Variants in SPACA9 observed in about 807,000 individuals in gnomAD.
The protein encoded by SPACA9 is sperm acrosome-associated protein 9.
A neutral mutation model predicts 12.5 loss-of-function variants in SPACA9; 14 were observed. The observed-to-expected ratio is 1.12, with a 90% CI of 0.74 to 1.75. SPACA9 has a LOEUF of 1.75. Among genes scored for constraint, SPACA9 ranks in the 40% most tolerant of loss-of-function variants. The pLI is 0.00. For synonymous variants in SPACA9, 111 were observed against 114.1 expected, an observed-to-expected ratio of 0.97 and a Z score of 0.17; for missense variants, 292 against 291.9, an observed-to-expected ratio of 1.00 and a Z score of 0.00.
intron 1 of SPACA9, among the ~76,000 whole-genome samples, chr9:132,882,204 C>G (rs1844447275): frequency 6.6e-6 from 1 of 152,188 alleles, no homozygotes; most frequent in African/African-American, 2.4e-5. Flanking sequence ...ACTCTCTTGT[C>G]TTTCCAGGAG....
Position 132,888,487 on chromosome 9 carries a change from C to T in SPACA9, c.545C>T (p.Pro182Leu). 6.2e-7 allele frequency: 1 copy of T among 1,605,604 alleles called. No homozygotes were observed. The highest frequency in any genetic ancestry group is 8.5e-7 in the Non-Finnish European group (1 of 1,176,580). ...GAGAGCACCAGGGGAGCCGCTCGTCCTGCCCAGGCCATAGGGACCCAGCCC... is the reference window on the plus strand; with the variant it reads ...GAGAGCACCAGGGGAGCCGCTCGTCTTGCCCAGGCCATAGGGACCCAGCCC... ...HQESTRGAAR[P>L]AQAIGTQPRA... Residue 182 changes from proline (P) to leucine (L), a missense_variant, in exon 4 of 4, where the codon CCT (proline) becomes CTT (leucine). Coordinates refer to ENST00000356311, the MANE Select transcript of SPACA9 (RefSeq NM_001316897.2). This position sits in a 1 kb window ranked among gnomAD's most constrained non-coding sequence, Gnocchi z 5.0.
intron 1 of SPACA9, among the ~76,000 whole-genome samples, chr9:132,880,948 G>A (rs575795177): frequency 2.0e-5 from 3 of 150,864 alleles, no homozygotes; most frequent in South Asian, 2.1e-4. Flanking sequence ...TCAGCCTCCC[G>A]AGTAGCTGGG....
Position 132,889,667 on chromosome 9 carries a change from G to C in SPACA9, c.*1056G>C, listed in dbSNP as rs778904267. On this transcript the variant is annotated 3_prime_UTR_variant, in exon 4 of 4. Transcript: ENST00000356311. ...TGACCTCAACTGGTCCACCCGCCTC[G>C]GCCTCCCAAAGTGCTGGGATTACAG... The C allele has an allele frequency of 1.0e-6, 1 of 983,476 alleles. No homozygotes were observed. The highest frequency in any genetic ancestry group is 1.7e-5 in the African/African-American group (1 of 57,764). The allele number at this position is 983,476 out of a possible 1,614,324, so 60.9% of individuals were successfully genotyped here. A position where few individuals can be genotyped will look rare whatever the true frequency, so the allele number is the denominator to read the frequency against.
At chr9:132,878,398 C>A, upstream of SPACA9, 1 of 1,241,940 alleles carries the variant, frequency 8.1e-7, no homozygotes, top group Non-Finnish European at 1.0e-6. This position sits in a 1 kb window ranked among gnomAD's most constrained non-coding sequence, Gnocchi z 4.7. Flanking sequence ...CGGGTCGCCC[C>A]CGCCCCGACC....
At position 132,883,932 on chromosome 9, in the gene SPACA9, ACC is replaced by A; in HGVS notation, c.-15_-14del. ...ATAGATTCCTCTTCTCCTGTAAATG[ACC>A]ACAGAGGAAGACAATGAATGAGGTG... On this transcript the variant is annotated 5_prime_UTR_variant, in exon 2 of 4. Transcript: ENST00000356311. 6.2e-7 allele frequency: 1 copy of A among 1,613,524 alleles called. No individual in the cohort carries two copies. The highest frequency in any genetic ancestry group is 8.5e-7 in the Non-Finnish European group (1 of 1,179,458).
chr9:132,881,293 A>G (rs1455326676), intron 1 of SPACA9, among the ~76,000 whole-genome samples: 1 of 142,486 alleles, frequency 7.0e-6, no homozygotes, highest in Admixed American at 6.8e-5. Flanking sequence ...AAGAAAAAAA[A>G]GAAGAAAAAA....
rs1437638004 is a variant in SPACA9 at position 132,889,148 on chromosome 9, T to C, written c.*537T>C. The C allele has an allele frequency of 1.0e-6, 1 of 989,910 alleles. No individual in the cohort carries two copies. Among genetic ancestry groups the C allele is most frequent in the Admixed American group, 5.7e-5 (1 of 17,498 alleles). The allele number at this position is 989,910 out of a possible 1,614,324, so 61.3% of individuals were successfully genotyped here. A position where few individuals can be genotyped will look rare whatever the true frequency, so the allele number is the denominator to read the frequency against. ...TGAAGAGGAAACCCACTTACAGAAG[T>C]TGCCCAAACAGGATGGTGTGGTAGA... On this transcript the variant is annotated 3_prime_UTR_variant, in exon 4 of 4. Coordinates refer to ENST00000356311, the MANE Select transcript of SPACA9 (RefSeq NM_001316897.2).
chr9:132,887,440 C>G lies in SPACA9; in HGVS notation c.216C>G (p.Ile72Met), dbSNP rs1420451812. 3 of 1,613,400 alleles carry G rather than the reference C, an allele frequency of 1.9e-6. No homozygotes were observed. The highest frequency in any genetic ancestry group is 1.7e-6 in the Non-Finnish European group (2 of 1,180,014). Residue 72 changes from isoleucine to methionine, a missense_variant, in exon 3 of 4, where the codon ATC becomes ATG. By Grantham distance (10) the Ile-to-Met change is conservative (BLOSUM62 1). Coordinates refer to ENST00000356311, the MANE Select transcript of SPACA9 (RefSeq NM_001316897.2). This position sits in a 1 kb window ranked among gnomAD's most constrained non-coding sequence, Gnocchi z 5.4. ...DRRVLLMFLDICSELNKLCQH... is the reference protein window; with the variant it reads ...DRRVLLMFLDMCSELNKLCQH... ...GGGTTCTGCTCATGTTCCTGGACAT[C>G]TGTTCAGAGCTGAATAAGCTCTGCC... is the stretch of plus-strand genomic sequence containing the variant.
In SPACA9 at chr9:132,889,963, A is replaced by T. The variant is rs770343393; in HGVS notation, c.*1352A>T. The T allele has an allele frequency of 3.2e-5, 48 of 1,518,630 alleles. No individual in the cohort carries two copies. The highest frequency in any genetic ancestry group is 4.3e-5 in the Non-Finnish European group (48 of 1,127,346). The allele number at this position is 1,518,630 out of a possible 1,614,324, so 94.1% of individuals were successfully genotyped here. On this transcript the variant is annotated 3_prime_UTR_variant, in exon 4 of 4. Transcript: ENST00000356311. ...TTGGTTTTTCCCTTCACAGGGGACG[A>T]CTTAGCTTCTGTATTATTGTTGCTT...
chr9:132,886,313 A>G (rs1019922710), intron 2 of SPACA9, among the ~76,000 whole-genome samples: 5 of 152,192 alleles, frequency 3.3e-5, no homozygotes, highest in South Asian at 4.1e-4. Flanking sequence ...TCACTGGGTA[A>G]CCCCATAAGC....
chr9:132,889,925 T>A lies in SPACA9; in HGVS notation c.*1314T>A, dbSNP rs1308046310. The A allele has an allele frequency of 6.8e-7, 1 of 1,471,352 alleles. No homozygotes were observed. The highest frequency in any genetic ancestry group is 9.1e-7 in the Non-Finnish European group (1 of 1,102,624). 91.1% of individuals were successfully genotyped at this position (1,471,352 alleles called of 1,614,324 possible). ...CCCTGGCTTCTGAGCTTGCCCAAAG[T>A]AATGTCTGACTGTTGGTTTTTCCCT... On this transcript the variant is annotated 3_prime_UTR_variant, in exon 4 of 4. Transcript: ENST00000356311.
chr9:132,879,832 C>G lies in SPACA9; in HGVS notation c.-38+818C>G, dbSNP rs192732495. On this transcript the variant is annotated intron_variant, in intron 1 of 3. Coordinates refer to ENST00000356311, the MANE Select transcript of SPACA9 (RefSeq NM_001316897.2). ...GGCCCAGAAAAGGGGGAAATCTTGG[C>G]TAGGGCCACTGGTTAGATTGGGCAG... 3.3e-3 allele frequency among the ~76,000 whole-genome samples: 508 copies of G among 152,356 alleles called. 2 individuals are homozygous for G. The highest frequency in any genetic ancestry group is 5.2e-3 in the Non-Finnish European group (354 of 68,032).
upstream of SPACA9, chr9:132,878,506 G>A (rs1844263705): frequency 8.3e-7 from 1 of 1,200,112 alleles, no homozygotes; most frequent in Non-Finnish European, 1.0e-6. This position sits in a 1 kb window ranked among gnomAD's most constrained non-coding sequence, Gnocchi z 4.7. Context: ...ACCCTCAGGT[G>A]GCTTCCAGCT....
intron 2 of SPACA9, 135 bp downstream of exon 2, chr9:132,884,226 A>T: frequency 6.3e-6 from 5 of 788,308 alleles, no homozygotes; most frequent in Non-Finnish European, 1.0e-5. Context: ...AACCTAAATG[A>T]TGTAATGAGT....
chr9:132,881,142 A>G (rs1844413621), intron 1 of SPACA9, among the ~76,000 whole-genome samples: 1 of 151,414 alleles, frequency 6.6e-6, no homozygotes, highest in Admixed American at 6.6e-5. Flanking sequence ...TTTCTTTACA[A>G]ATTCTGATGT....
chr9:132,881,335 G>A (rs934279199), intron 1 of SPACA9, among the ~76,000 whole-genome samples: 4 of 151,458 alleles, frequency 2.6e-5, no homozygotes, highest in Non-Finnish European at 5.9e-5. Flanking sequence ...AGGCATGGTG[G>A]CACATACCTG....
Position 132,887,473 on chromosome 9 carries a change from T to A in SPACA9, c.249T>A (p.Phe83Leu). The A allele has an allele frequency of 1.9e-6, 3 of 1,614,040 alleles. No homozygotes were observed. Among genetic ancestry groups the A allele is most frequent in the Non-Finnish European group, 2.5e-6 (3 of 1,180,020 alleles). Reference protein sequence around the residue: ...CSELNKLCQHFEAVHSGTPVT... With the variant: ...CSELNKLCQHLEAVHSGTPVT... ...AGCTGAATAAGCTCTGCCAGCACTT[T>A]GAGGCCGTGCACTCTGGCACCCCAG... The change falls in exon 3 of 4, where the codon TTT becomes TTA. Residue 83 changes from phenylalanine (F) to leucine (L), a missense_variant. Physicochemically the swap from Phe to Leu is conservative, Grantham distance 22 (BLOSUM62 0). Coordinates refer to ENST00000356311, the MANE Select transcript of SPACA9 (RefSeq NM_001316897.2). This position sits in a 1 kb window ranked among gnomAD's most constrained non-coding sequence, Gnocchi z 5.4.
In SPACA9 at chr9:132,889,974, G is replaced by A. The variant is rs370597904; in HGVS notation, c.*1363G>A. On this transcript the variant is annotated 3_prime_UTR_variant, in exon 4 of 4. Transcript: ENST00000356311. ...CTTCACAGGGGACGACTTAGCTTCT[G>A]TATTATTGTTGCTTCCTCAGGGGGA... is the stretch of plus-strand genomic sequence containing the variant. 253 of 1,517,646 alleles carry A rather than the reference G, an allele frequency of 1.7e-4. No homozygotes were observed. The highest frequency in any genetic ancestry group is 2.1e-4 in the Non-Finnish European group (241 of 1,126,820). The allele number at this position is 1,517,646 out of a possible 1,614,324, so 94.0% of individuals were successfully genotyped here.
At chr9:132,885,161 AAC>A (rs1183773423) in intron 2 of SPACA9, among the ~76,000 whole-genome samples, 4 of 152,058 alleles carry the variant, frequency 2.6e-5, no homozygotes, top group African/African-American at 9.7e-5. Context: ...AATGAAAAAA[AAC>A]ACTTTTTTTT....
Sources: gnomAD v4.1 joint callset for allele counts (sites outside exome capture counted in the v4.1 genomes callset) on GRCh38, gnomAD v4.1.1 for gene constraint, Gnocchi (gnomAD v3.1) non-coding constraint, MANE v1.5 for transcripts, NCBI Gene and HGNC (gene_info 2026-07-23, HGNC 2026-07-21) for gene names.